EPHB1: variants seen among roughly 807,000 people sequenced by gnomAD.
EPHB1 encodes the protein ephrin type-B receptor 1.
In EPHB1, 30 loss-of-function variants were observed where a neutral mutation model predicts 94.4. That is an observed-to-expected ratio of 0.32 (90% CI 0.24 to 0.43). The LOEUF (loss-of-function observed/expected upper bound fraction) is 0.43, where lower values mean the gene tolerates loss of function less well. Among genes scored for constraint, EPHB1 ranks in the 20% least tolerant of loss-of-function variants. The pLI, the probability that EPHB1 is intolerant of heterozygous loss-of-function variation, is 1.00. For synonymous variants in EPHB1, 522 were observed against 489.1 expected, an observed-to-expected ratio of 1.07 and a Z score of -0.89; for missense variants, 1,055 against 1,308.3, an observed-to-expected ratio of 0.81 and a Z score of 2.99.
At chr3:134,973,803 G>A (rs1486146480) in intron 3 of EPHB1, among the ~76,000 whole-genome samples, 4 of 152,114 alleles carry the variant, frequency 2.6e-5, no homozygotes, top group African/African-American at 9.7e-5. Flanking sequence ...AGTGGGATAG[G>A]GTAGGGCTTG....
intron 3 of EPHB1, among the ~76,000 whole-genome samples, chr3:134,973,179 T>C (rs1487250607): frequency 6.6e-6 from 1 of 152,188 alleles, no homozygotes; most frequent in Non-Finnish European, 1.5e-5. Context: ...GTCTCAGGTG[T>C]GCAGCCCTTT....
chr3:135,158,799 G>C (rs1207195800), intron 6 of EPHB1, among the ~76,000 whole-genome samples: 2 of 152,132 alleles, frequency 1.3e-5, no homozygotes, highest in South Asian at 2.1e-4. Context: ...AACCATAGGA[G>C]GAGCATCTAC....
intron 4 of EPHB1, among the ~76,000 whole-genome samples, chr3:135,125,232 C>A (rs531723429): frequency 9.2e-5 from 14 of 151,716 alleles, no homozygotes; most frequent in African/African-American, 3.4e-4. Flanking sequence ...GCCTCAGTAA[C>A]CTCCCTCCCC....
chr3:135,166,079 A>G lies in EPHB1; in HGVS notation c.1694+3A>G, dbSNP rs1468151906. ...GCCATCTCTATCGTCTGTAGCAGGTAGGTCCTCCACTCTCACTTGCTCTCC... is the reference window on the plus strand; with the variant it reads ...GCCATCTCTATCGTCTGTAGCAGGTGGGTCCTCCACTCTCACTTGCTCTCC... On this transcript the variant is annotated splice_donor_region_variant and intron_variant, in intron 8 of 15. Transcript: ENST00000398015. The G allele has an allele frequency of 1.2e-5, 19 of 1,611,144 alleles. No individual in the cohort carries two copies. The highest frequency in any genetic ancestry group is 1.4e-5 in the Non-Finnish European group (16 of 1,177,512).
At chr3:135,149,110 C>T (rs3772646) in intron 5 of EPHB1, among the ~76,000 whole-genome samples, 19,372 of 152,220 alleles carry the variant, frequency 0.13, 1,370 homozygotes, top group South Asian at 0.2. Flanking sequence ...CCTCTTTAGA[C>T]CTCACACATC....
chr3:134,925,790 A>G (rs1578202260), intron 1 of EPHB1, 26 bp from the exon 2 acceptor site: 1 of 1,553,970 alleles, frequency 6.4e-7, no homozygotes, highest in Non-Finnish European at 8.7e-7. Context: ...GTTTTTGTTT[A>G]TTCGTTTTTT....
At chr3:135,080,406 A>T (rs1938122956) in intron 3 of EPHB1, among the ~76,000 whole-genome samples, 1 of 152,208 alleles carries the variant, frequency 6.6e-6, no homozygotes, top group Non-Finnish European at 1.5e-5. Flanking sequence ...GGTTAATCAG[A>T]TTCTTTTGAA....
chr3:135,097,297 A>G (rs973660715), intron 3 of EPHB1, among the ~76,000 whole-genome samples: 8 of 150,360 alleles, frequency 5.3e-5, no homozygotes, highest in African/African-American at 2.0e-4. Context: ...CTCACTCCCT[A>G]ATCACTGACC....
chr3:135,139,155 G>A (rs978052332), intron 5 of EPHB1, among the ~76,000 whole-genome samples: 2 of 152,200 alleles, frequency 1.3e-5, no homozygotes, highest in Non-Finnish European at 2.9e-5. Flanking sequence ...TTTGGCTGGG[G>A]AGTGGTGATG....
chr3:135,115,038 A>T (rs146642690), intron 4 of EPHB1, among the ~76,000 whole-genome samples: 3 of 152,350 alleles, frequency 2.0e-5, no homozygotes, highest in African/African-American at 7.2e-5. Flanking sequence ...AAGAATGTTG[A>T]CTGGCCTGAC....
intron 15 of EPHB1, among the ~76,000 whole-genome samples, chr3:135,257,820 T>C (rs1576508673): frequency 6.6e-6 from 1 of 152,146 alleles, no homozygotes; most frequent in East Asian, 1.9e-4. Context: ...GCCTGGCTGC[T>C]GCCTTGCAGT....
At chr3:135,150,242 T>C (rs1553282) in intron 5 of EPHB1, among the ~76,000 whole-genome samples, 1 of 152,136 alleles carries the variant, frequency 6.6e-6, no homozygotes, top group South Asian at 2.1e-4. Context: ...GAAACTGACG[T>C]GATTCACAAC....
chr3:134,951,242 C>G lies in EPHB1; in HGVS notation c.124-129C>G, dbSNP rs1189695585. 1 of 720,214 alleles carries G rather than the reference C, an allele frequency of 1.4e-6. No individual in the cohort carries two copies. Among genetic ancestry groups the G allele is most frequent in the Non-Finnish European group, 2.1e-6 (1 of 466,690 alleles). 44.6% of individuals were successfully genotyped at this position (720,214 alleles called of 1,614,324 possible). On this transcript the variant is annotated intron_variant, in intron 2 of 15. Coordinates refer to ENST00000398015, the MANE Select transcript of EPHB1 (RefSeq NM_004441.5). The surrounding 1 kb of genome is among the most constrained non-coding windows in gnomAD (Gnocchi z 4.5). ...GCTTAGATGTGTTCATTTCTCAAGT[C>G]AATCTGCTGGACTGGTGAGCTCTTA... is the stretch of plus-strand genomic sequence containing the variant.
chr3:134,894,717 C>T (rs1453512446), intron 1 of EPHB1, among the ~76,000 whole-genome samples: 1 of 152,240 alleles, frequency 6.6e-6, no homozygotes, highest in Non-Finnish European at 1.5e-5. Context: ...AACATCACTA[C>T]TTAGTTGGGT....
chr3:135,095,939 A>G (rs1046999721), intron 3 of EPHB1, among the ~76,000 whole-genome samples: 2 of 152,118 alleles, frequency 1.3e-5, no homozygotes, highest in African/African-American at 2.4e-5. Flanking sequence ...TGGCCCTTCT[A>G]TGCCACCTCA....
At chr3:135,052,911 G>A (rs2168754) in intron 3 of EPHB1, among the ~76,000 whole-genome samples, 38,324 of 69,060 alleles carry the variant, frequency 0.55, 10,144 homozygotes, top group African/African-American at 0.67. Flanking sequence ...ATATATATAT[G>A]TGTGTGTGTG....
intron 3 of EPHB1, among the ~76,000 whole-genome samples, chr3:134,972,520 ATATT>A (rs199847087): frequency 9.5e-5 from 10 of 105,654 alleles, no homozygotes; most frequent in African/African-American, 3.3e-4. Flanking sequence ...ATATTATTAT[ATATT>A]TATTATAAAT....
intron 3 of EPHB1, among the ~76,000 whole-genome samples, chr3:135,016,186 T>A (rs1365538005): frequency 6.6e-6 from 1 of 152,226 alleles, no homozygotes; most frequent in African/African-American, 2.4e-5. Context: ...TGTCATAGTT[T>A]AAGAGAATAC....
At chr3:135,112,242 A>C (rs1460427928) in intron 4 of EPHB1, among the ~76,000 whole-genome samples, 1 of 152,176 alleles carries the variant, frequency 6.6e-6, no homozygotes, top group Non-Finnish European at 1.5e-5. Context: ...AGGAAATCAG[A>C]CCAAGAGGAA....
Sources: gnomAD v4.1 joint callset for allele counts (sites outside exome capture counted in the v4.1 genomes callset) on GRCh38, gnomAD v4.1.1 for gene constraint, Gnocchi (gnomAD v3.1) non-coding constraint, MANE v1.5 for transcripts, NCBI Gene and HGNC (gene_info 2026-07-23, HGNC 2026-07-21) for gene names.